The following SP2 variants were observed in gnomAD, a reference collection of about 807,000 sequenced individuals.
SP2 encodes transcription factor Sp2.
A neutral mutation model predicts 50.1 loss-of-function variants in SP2; 9 were observed. The ratio of observed to expected loss-of-function variants is 0.18; its 90% CI spans 0.11 to 0.31. SP2 has a LOEUF of 0.31. Ranked by LOEUF, SP2 falls within the 10% of genes least tolerant of loss-of-function variation. The probability of loss-of-function intolerance (pLI) is 1.00; values close to 1 mark genes in which losing one functional copy is unlikely to be tolerated. For missense variants in SP2, 581 were observed against 806.5 expected, an observed-to-expected ratio of 0.72 and a Z score of 3.39; for synonymous variants, 313 against 326.6, an observed-to-expected ratio of 0.96 and a Z score of 0.45.
chr17:47,926,178 A>T (rs1206912960), intron 6 of SP2, among the ~76,000 whole-genome samples: 1 of 151,866 alleles, frequency 6.6e-6, no homozygotes, highest in Non-Finnish European at 1.5e-5. Context: ...TGGCCTCCCA[A>T]AGTGCTAGGA....
In SP2 at chr17:47,904,262, C is replaced by CAA. The variant is rs71366804; in HGVS notation, c.7+7986_7+7987dup. 7.4e-3 allele frequency among the ~76,000 whole-genome samples: 736 copies of CAA among 99,624 alleles called. 2 individuals are homozygous for CAA. The highest frequency in any genetic ancestry group is 0.011 in the Middle Eastern group (2 of 174). The allele number at this position is 99,624 out of a possible 152,430, so 65.4% of individuals were successfully genotyped here. A position where few individuals can be genotyped will look rare whatever the true frequency, so the allele number is the denominator to read the frequency against. On this transcript the variant is annotated intron_variant, in intron 1 of 6. Transcript: ENST00000376741. ...CCTGGGTGACAGTGAGACTCTGTCCCAAAAAAAAAAAAAAAAAAGAAGTAG... is the reference window on the plus strand; with the variant it reads ...CCTGGGTGACAGTGAGACTCTGTCCCAAAAAAAAAAAAAAAAAAAAGAAGTAG...
At position 47,896,405 on chromosome 17, in the gene SP2, T is replaced by G. The variant is rs1452285845; in HGVS notation, c.7+112T>G. ...CCGGGGGTTCCCCCCTGGGGCTGGG[T>G]CTGGCGTCGGGGCCCGGCTTCAGGA... On this transcript the variant is annotated intron_variant, in intron 1 of 6. Transcript: ENST00000376741. The G allele has an allele frequency of 4.3e-4, 398 of 929,456 alleles. No individual in the cohort carries two copies. In the East Asian group the frequency reaches 0.011, roughly 26 times the overall value. The allele number at this position is 929,456 out of a possible 1,614,324, so 57.6% of individuals were successfully genotyped here. A position where few individuals can be genotyped will look rare whatever the true frequency, so the allele number is the denominator to read the frequency against.
At chr17:47,896,346 G>A (rs2034327711) in intron 1 of SP2, 53 bp downstream of exon 1, 4 of 1,229,978 alleles carry the variant, frequency 3.3e-6, no homozygotes, top group Non-Finnish European at 4.1e-6. Flanking sequence ...GGGTCAGGAA[G>A]ACGGGCAGAG....
intron 3 of SP2, among the ~76,000 whole-genome samples, chr17:47,921,571 T>G (rs1349851545): frequency 6.6e-6 from 1 of 152,252 alleles, no homozygotes. Context: ...TTTTATTCAC[T>G]GGGTTATAAT....
Position 47,916,787 on chromosome 17 carries a change from C to T in SP2, c.716C>T (p.Pro239Leu), listed in dbSNP as rs150118323. 234 of 1,613,938 alleles carry T rather than the reference C, an allele frequency of 1.4e-4. No individual in the cohort carries two copies. Among genetic ancestry groups the T allele is most frequent in the Non-Finnish European group, 1.8e-4 (215 of 1,179,932 alleles). The change falls in exon 3 of 7, where the codon CCG becomes CTG. Residue 239 changes from proline (P) to leucine (L), a missense_variant. By Grantham distance (98) the Pro-to-Leu change is moderately conservative (BLOSUM62 -3). This residue lies in a region of SP2 where 397 missense variants were observed against 491.0 expected (regional missense o/e 0.81). Coordinates refer to ENST00000376741, the MANE Select transcript of SP2 (RefSeq NM_003110.6). This position sits in a 1 kb window ranked among gnomAD's most constrained non-coding sequence, Gnocchi z 4.7. ...CTCCTCACTGAAAGCCCCCCAACCC[C>T]GCTGTCTAAGACTAACAAGAAAGCA... ...TQLLTESPPT[P>L]LSKTNKKARK... is the part of the protein sequence containing the mutation.
At chr17:47,923,810 C>CA (rs1328968877) in intron 4 of SP2, among the ~76,000 whole-genome samples, 3 of 151,960 alleles carry the variant, frequency 2.0e-5, no homozygotes, top group Admixed American at 1.3e-4. Flanking sequence ...GTGGTGCGAT[C>CA]TCTGCTTCAG....
chr17:47,925,613 A>C, intron 6 of SP2, 72 bp downstream of exon 6: 2 of 1,266,816 alleles, frequency 1.6e-6, no homozygotes, highest in Non-Finnish European at 2.3e-6. Flanking sequence ...CCCCCACTCT[A>C]CCGGCTTTAG....
In SP2 at chr17:47,920,290, AT is replaced by A. The variant is rs71141941; in HGVS notation, c.1060-2656del. 2.7e-3 allele frequency among the ~76,000 whole-genome samples: 338 copies of A among 124,084 alleles called. 1 individual carries two copies. Among genetic ancestry groups the A allele is most frequent in the Middle Eastern group, 4.9e-3 (1 of 204 alleles). 81.4% of individuals were successfully genotyped at this position (124,084 alleles called of 152,430 possible). A position where few individuals can be genotyped will look rare whatever the true frequency, so the allele number is the denominator to read the frequency against. Reference sequence around the variant, plus strand: ...GCCTCTGCGCCCTGCTAATTTTTGAATTTTTTTTTTTTTTTTGGAGACGAAG... The same window carrying A: ...GCCTCTGCGCCCTGCTAATTTTTGAATTTTTTTTTTTTTTTGGAGACGAAG... On this transcript the variant is annotated intron_variant, in intron 3 of 6. Transcript: ENST00000376741.
chr17:47,920,020 A>C (rs1213873265), intron 3 of SP2, among the ~76,000 whole-genome samples: 1 of 149,210 alleles, frequency 6.7e-6, no homozygotes, highest in Non-Finnish European at 1.5e-5. Context: ...TTGTATTTTT[A>C]GTAGAGACAG....
chr17:47,898,922 A>T (rs2034439308), intron 1 of SP2: 1 of 152,318 alleles, frequency 6.6e-6, no homozygotes, highest in South Asian at 2.1e-4. Context: ...CCCTTTTTGC[A>T]ACTGACTTGG....
At chr17:47,920,142 G>A (rs968435050) in intron 3 of SP2, among the ~76,000 whole-genome samples, 50 of 151,350 alleles carry the variant, frequency 3.3e-4, no homozygotes, top group Non-Finnish European at 7.4e-5. Flanking sequence ...CTTTCAGGTC[G>A]GCTCTTTTTT....
intron 3 of SP2, chr17:47,917,664 C>T (rs1194260419): frequency 4.4e-6 from 1 of 228,026 alleles, no homozygotes; most frequent in South Asian, 4.1e-5. Flanking sequence ...CTCTGTTGTC[C>T]GGGCTGGAGT....
At position 47,916,372 on chromosome 17, in the gene SP2, C is replaced by T. The variant is rs759975186; in HGVS notation, c.301C>T (p.Leu101=). 6.2e-6 allele frequency: 10 copies of T among 1,614,150 alleles called. No individual in the cohort carries two copies. The highest frequency in any genetic ancestry group is 8.5e-6 in the Non-Finnish European group (10 of 1,180,006). ...GNILQIQGSQ[L]SASYPGGQLV... Reference sequence around the variant, plus strand: ...TATACTTCAGATTCAGGGGTCACAACTGAGCGCCTCCTATCCTGGAGGGCA... The same window carrying T: ...TATACTTCAGATTCAGGGGTCACAATTGAGCGCCTCCTATCCTGGAGGGCA... Residue 101 remains leucine, a synonymous_variant, in exon 3 of 7, where the codon CTG becomes TTG. Transcript: ENST00000376741. This position sits in a 1 kb window ranked among gnomAD's most constrained non-coding sequence, Gnocchi z 4.7.
chr17:47,915,254 T>C (rs13380840), intron 1 of SP2, 58 bp from the exon 2 acceptor site: 2 of 1,208,522 alleles, frequency 1.7e-6, no homozygotes, highest in East Asian at 5.1e-5. Context: ...CTGAGGCAAG[T>C]GGGCTTGCGT....
chr17:47,901,884 C>T (rs1168588602), intron 1 of SP2, among the ~76,000 whole-genome samples: 3 of 152,174 alleles, frequency 2.0e-5, no homozygotes, highest in African/African-American at 7.2e-5. Flanking sequence ...TATTAAGCAC[C>T]TACCATGTGC....
chr17:47,914,017 G>A (rs1364285090), intron 1 of SP2, among the ~76,000 whole-genome samples: 1 of 152,124 alleles, frequency 6.6e-6, no homozygotes, highest in Non-Finnish European at 1.5e-5. Context: ...ACTGAGTCTT[G>A]GTTGATGCCT....
rs752283829 is a variant in SP2 at position 47,924,948 on chromosome 17, T to G, written c.1402T>G (p.Ser468Ala). The change falls in exon 5 of 7, where the codon TCT becomes GCT. Residue 468 changes from serine to alanine, a missense_variant. Ser to Ala is a moderately conservative substitution (Grantham distance 99). Around this residue, in one of 2 missense-constraint regions of SP2, gnomAD observed 184 missense variants for 315.5 expected, o/e 0.58. Coordinates refer to ENST00000376741, the MANE Select transcript of SP2 (RefSeq NM_003110.6). ...GCAGCAGCTGACAGTGCAGAATGTTTCTGGGAACAACCTGACCATCAGTGG... is the reference window on the plus strand; with the variant it reads ...GCAGCAGCTGACAGTGCAGAATGTTGCTGGGAACAACCTGACCATCAGTGG... ...GQQQLTVQNV[S>A]GNNLTISGLS... 2 of 1,610,668 alleles carry G rather than the reference T, an allele frequency of 1.2e-6. No homozygotes were observed. Among genetic ancestry groups the G allele is most frequent in the Non-Finnish European group, 1.7e-6 (2 of 1,177,388 alleles).
intron 3 of SP2, among the ~76,000 whole-genome samples, chr17:47,920,813 C>CA (rs2035425982): frequency 6.6e-6 from 1 of 152,064 alleles, no homozygotes; most frequent in South Asian, 2.1e-4. Context: ...ATGAAACTTA[C>CA]CCTTTTAAAG....
intron 3 of SP2, 100 bp from the exon 4 acceptor site, chr17:47,922,862 T>A: frequency 2.9e-6 from 3 of 1,017,612 alleles, no homozygotes; most frequent in Non-Finnish European, 4.4e-6. Context: ...AGACTTTTAG[T>A]GGACAGGCGC....
Sources: allele counts gnomAD v4.1 joint callset (sites outside exome capture counted in the v4.1 genomes callset), GRCh38; gene constraint gnomAD v4.1.1; regional missense constraint gnomAD v4.1.1; non-coding constraint Gnocchi (gnomAD v3.1); transcripts MANE v1.5; gene names NCBI Gene and HGNC (gene_info 2026-07-23, HGNC 2026-07-21).